Variants in PPIP5K2 observed in about 807,000 individuals in gnomAD.
PPIP5K2 encodes the protein diphosphoinositol pentakisphosphate kinase 2, also known as inositol hexakisphosphate and diphosphoinositol-pentakisphosphate kinase 2.
In PPIP5K2, 105 loss-of-function variants were observed where a neutral mutation model predicts 154.6. The observed-to-expected ratio is 0.68, with a 90% CI of 0.58 to 0.80. The LOEUF (loss-of-function observed/expected upper bound fraction) is 0.80, where lower values mean the gene tolerates loss of function less well. PPIP5K2 is among the 30% of genes least tolerant of loss of function. The probability of loss-of-function intolerance (pLI) is 0.00; values close to 1 mark genes in which losing one functional copy is unlikely to be tolerated. For missense variants in PPIP5K2, 992 were observed against 1,504.6 expected, an observed-to-expected ratio of 0.66 and a Z score of 5.64; for synonymous variants, 480 against 490.3, an observed-to-expected ratio of 0.98 and a Z score of 0.28.
At chr5:103,159,441 A>G (rs1795888894) in intron 17 of PPIP5K2, 113 bp downstream of exon 17, 3 of 887,242 alleles carry the variant, frequency 3.4e-6, no homozygotes, top group Non-Finnish European at 4.7e-6. Context: ...TACACATGTT[A>G]TCATCCTCCA....
At chr5:103,193,642 A>G (rs181990935) in intron 29 of PPIP5K2, among the ~76,000 whole-genome samples, 51 of 152,230 alleles carry the variant, frequency 3.4e-4, no homozygotes, top group African/African-American at 1.2e-3. Flanking sequence ...AGGACTTTTT[A>G]TCTCTTAGAT....
intron 27 of PPIP5K2, 136 bp from the exon 28 acceptor site, chr5:103,187,178 C>T: frequency 1.7e-6 from 1 of 583,902 alleles, no homozygotes. Flanking sequence ...CAATATTTAC[C>T]TTATTACATT....
At chr5:103,192,928 A>G (rs1231543596) in intron 29 of PPIP5K2, among the ~76,000 whole-genome samples, 5 of 152,170 alleles carry the variant, frequency 3.3e-5, no homozygotes, top group African/African-American at 1.2e-4. Context: ...TAAACCTTAG[A>G]GATAATCTAG....
intron 19 of PPIP5K2, among the ~76,000 whole-genome samples, chr5:103,172,660 A>T (rs1168406674): frequency 1.3e-5 from 2 of 151,776 alleles, no homozygotes; most frequent in East Asian, 3.9e-4. Context: ...AAATTTGATA[A>T]TTTCATGGAA....
At position 103,204,706 on chromosome 5, in the gene PPIP5K2, A is replaced by T. The variant is rs1211000027; in HGVS notation, c.*3072A>T. ...CTCTGTACATAATCGTAGGTACCAA[A>T]ATATTACTGTGTAAAGTGTTGTTTA... On this transcript the variant is annotated 3_prime_UTR_variant, in exon 31 of 31. Coordinates refer to ENST00000358359, the MANE Select transcript of PPIP5K2 (RefSeq NM_001276277.3). 6.6e-6 allele frequency: 1 copy of T among 152,196 alleles called. No individual in the cohort carries two copies. The highest frequency in any genetic ancestry group is 1.5e-5 in the Non-Finnish European group (1 of 68,036). The allele number at this position is 152,196 out of a possible 1,614,324, so 9.4% of individuals were successfully genotyped here.
chr5:103,164,341 T>G (rs1359502255), intron 17 of PPIP5K2, among the ~76,000 whole-genome samples: 1 of 152,048 alleles, frequency 6.6e-6, no homozygotes, highest in Non-Finnish European at 1.5e-5. Flanking sequence ...AATTATATGC[T>G]TATTTTCCAT....
Position 103,201,841 on chromosome 5 carries a change from A to C in PPIP5K2, c.*207A>C. ...GTGAGCAGCAAAACTTATAGTGATA[A>C]AAATCGATTGTTGTTAATATGATGT... On this transcript the variant is annotated 3_prime_UTR_variant, in exon 31 of 31. Coordinates refer to ENST00000358359, the MANE Select transcript of PPIP5K2 (RefSeq NM_001276277.3). The C allele has an allele frequency of 2.0e-6, 1 of 503,472 alleles. No individual in the cohort carries two copies. The highest frequency in any genetic ancestry group is 3.6e-6 in the Non-Finnish European group (1 of 280,732). 31.2% of individuals were successfully genotyped at this position (503,472 alleles called of 1,614,324 possible).
rs1432730334 is a variant in PPIP5K2, at chr5:103,177,015, A to G, written c.2530-652A>G. 7.9e-6 allele frequency: 6 copies of G among 760,666 alleles called. No homozygotes were observed. The African/African-American group carries it at 1.1e-4, about 14-fold the overall frequency. 47.1% of individuals were successfully genotyped at this position (760,666 alleles called of 1,614,324 possible). On this transcript the variant is annotated intron_variant, in intron 21 of 30. Transcript: ENST00000358359. ...TAGGCCTATATTGCATACATGAACT[A>G]TATGATGGTGGGAAAAAATGGCATT...
rs184280703 is a variant in PPIP5K2, at chr5:103,201,847, G to T, written c.*213G>T. 522 of 489,048 alleles carry T rather than the reference G, an allele frequency of 1.1e-3. No individual in the cohort carries two copies. Among genetic ancestry groups the T allele is most frequent in the Non-Finnish European group, 1.6e-3 (425 of 272,648 alleles). 30.3% of individuals were successfully genotyped at this position (489,048 alleles called of 1,614,324 possible). The stretch of plus-strand genomic sequence containing the variant: ...AGCAAAACTTATAGTGATAAAAATC[G>T]ATTGTTGTTAATATGATGTTTACCA... On this transcript the variant is annotated 3_prime_UTR_variant, in exon 31 of 31. Transcript: ENST00000358359.
intron 13 of PPIP5K2, 33 bp downstream of exon 13, chr5:103,154,976 A>G (rs782503033): frequency 8.4e-6 from 11 of 1,311,712 alleles, no homozygotes; most frequent in Middle Eastern, 4.5e-4. Context: ...TAATTGTGGT[A>G]CTACATATAG....
intron 7 of PPIP5K2, 21 bp downstream of exon 7, chr5:103,148,053 T>C: frequency 6.7e-7 from 1 of 1,482,948 alleles, no homozygotes; most frequent in Non-Finnish European, 9.3e-7. Flanking sequence ...TTAAAATAGA[T>C]TTTAGTTTTA....
At chr5:103,136,938 A>G (rs1198080970) in intron 4 of PPIP5K2, 116 bp downstream of exon 4, 5 of 731,052 alleles carry the variant, frequency 6.8e-6, no homozygotes, top group Non-Finnish European at 9.5e-6. Flanking sequence ...TACTTTCAAA[A>G]TAATACTCAG....
intron 17 of PPIP5K2, among the ~76,000 whole-genome samples, chr5:103,163,291 T>G (rs1796642888): frequency 6.6e-6 from 1 of 151,936 alleles, no homozygotes; most frequent in Non-Finnish European, 1.5e-5. Context: ...GTTTTATAAT[T>G]TACTTCACAG....
intron 5 of PPIP5K2, among the ~76,000 whole-genome samples, chr5:103,139,893 T>C (rs1370905143): frequency 1.3e-5 from 2 of 152,122 alleles, no homozygotes; most frequent in East Asian, 1.9e-4. Context: ...AACTGAAATA[T>C]ATATCAAAGC....
At chr5:103,181,759 AT>A (rs1216416243) in intron 24 of PPIP5K2, among the ~76,000 whole-genome samples, 31 of 152,080 alleles carry the variant, frequency 2.0e-4, no homozygotes, top group Admixed American at 2.0e-3. Context: ...AATGAAAAGA[AT>A]TGTGCTCATT....
At position 103,173,940 on chromosome 5, in the gene PPIP5K2, C is replaced by T. The variant is rs1276862339; in HGVS notation, c.2497C>T (p.Leu833=). 5 of 1,604,974 alleles carry T rather than the reference C, an allele frequency of 3.1e-6. No individual in the cohort carries two copies. The African/African-American group carries it at 5.4e-5, about 17-fold the overall frequency. The part of the protein sequence containing the change: ...FTSESHVHSL[L]SILRYGALCN... ...CAGTGAAAGTCATGTACATTCTTTG[C>T]TGTCTATTCTTCGCTATGGTGCCTT... Residue 833 remains leucine (L), a synonymous_variant, in exon 21 of 31, where the codon CTG becomes TTG. Coordinates refer to ENST00000358359, the MANE Select transcript of PPIP5K2 (RefSeq NM_001276277.3).
Position 103,149,295 on chromosome 5 carries a change from A to G in PPIP5K2, c.888A>G (p.Lys296=), listed in dbSNP as rs1794230245. Residue 296 remains lysine, a synonymous_variant, in exon 8 of 31, where the codon AAA becomes AAG. Transcript: ENST00000358359. ...LNAREKLIAW[K]VCLAFKQTVC... is the part of the protein sequence containing the mutation. ...CACGAGAGAAATTAATTGCTTGGAA[A>G]GTCTGCCTTGCTTTTAAGGTAAGAT... 11 of 1,613,532 alleles carry G rather than the reference A, an allele frequency of 6.8e-6. No homozygotes were observed. The highest frequency in any genetic ancestry group is 8.5e-6 in the Non-Finnish European group (10 of 1,179,620).
chr5:103,151,224 C>T, intron 8 of PPIP5K2, 29 bp from the exon 9 acceptor site: 1 of 1,548,788 alleles, frequency 6.5e-7, no homozygotes, highest in East Asian at 2.3e-5. Context: ...TTAAATAAAA[C>T]CTTAAAGTTT....
At chr5:103,149,375 T>A (rs1794245470) in intron 8 of PPIP5K2, 62 bp downstream of exon 8, 2 of 1,439,360 alleles carry the variant, frequency 1.4e-6, no homozygotes, top group South Asian at 1.4e-5. Flanking sequence ...CTTTTTTGAC[T>A]AAGACATTAT....
Sources: gnomAD v4.1 joint callset for allele counts (sites outside exome capture counted in the v4.1 genomes callset) on GRCh38, gnomAD v4.1.1 for gene constraint, MANE v1.5 for transcripts, NCBI Gene and HGNC (gene_info 2026-07-23, HGNC 2026-07-21) for gene names.